The following ATP6V1H variants were observed in gnomAD, a reference collection of about 807,000 sequenced individuals.
ATP6V1H encodes V-type proton ATPase subunit H.
In ATP6V1H, 39 loss-of-function variants were observed where a neutral mutation model predicts 71.7. The observed-to-expected ratio is 0.54, with a 90% CI of 0.42 to 0.71. The LOEUF (loss-of-function observed/expected upper bound fraction) is 0.71, where lower values mean the gene tolerates loss of function less well. Among genes scored for constraint, ATP6V1H ranks in the 30% least tolerant of loss-of-function variants. The probability of loss-of-function intolerance (pLI) is 0.00; values close to 1 mark genes in which losing one functional copy is unlikely to be tolerated. For synonymous variants in ATP6V1H, 192 were observed against 199.3 expected (o/e 0.96, Z 0.31); for missense variants, 509 against 594.9 (o/e 0.86, Z 1.50).
intron 9 of ATP6V1H, among the ~76,000 whole-genome samples, chr8:53,773,450 C>T (rs1808747223): frequency 1.3e-5 from 2 of 152,132 alleles, no homozygotes; most frequent in South Asian, 4.1e-4. Flanking sequence ...TAAATAGAAG[C>T]AGACAGAATC....
intron 8 of ATP6V1H, among the ~76,000 whole-genome samples, chr8:53,796,586 A>G (rs1809748734): frequency 6.6e-6 from 1 of 152,144 alleles, no homozygotes; most frequent in Non-Finnish European, 1.5e-5. Flanking sequence ...CCTACCATTT[A>G]AAAAGAAAAA....
intron 13 of ATP6V1H, among the ~76,000 whole-genome samples, chr8:53,738,969 C>A (rs1807324718): frequency 6.6e-6 from 1 of 151,918 alleles, no homozygotes; most frequent in Non-Finnish European, 1.5e-5. Context: ...TTGTTTTTTT[C>A]AAATACAGAA....
At chr8:53,782,956 G>A (rs1809217924) in intron 9 of ATP6V1H, among the ~76,000 whole-genome samples, 1 of 152,146 alleles carries the variant, frequency 6.6e-6, no homozygotes, top group South Asian at 2.1e-4. Flanking sequence ...GTATTTTATT[G>A]AGGATTTTTG....
chr8:53,818,223 TATC>T (rs1810517007), intron 4 of ATP6V1H, among the ~76,000 whole-genome samples: 1 of 152,214 alleles, frequency 6.6e-6, no homozygotes. Context: ...TACACCACCA[TATC>T]AGCAGTAGCA....
chr8:53,736,583 TA>T (rs1807209752), intron 13 of ATP6V1H, among the ~76,000 whole-genome samples: 1 of 152,236 alleles, frequency 6.6e-6, no homozygotes, highest in Admixed American at 6.5e-5. Context: ...TGGCAGAGCT[TA>T]ACTTGCTTGC....
chr8:53,785,538 C>T (rs963930795), intron 9 of ATP6V1H, among the ~76,000 whole-genome samples: 3 of 152,208 alleles, frequency 2.0e-5, no homozygotes, highest in African/African-American at 4.8e-5. Flanking sequence ...TCTCTCAACT[C>T]GTCAAAGTAA....
intron 4 of ATP6V1H, among the ~76,000 whole-genome samples, chr8:53,823,623 T>C (rs1810731576): frequency 6.6e-6 from 1 of 152,166 alleles, no homozygotes; most frequent in Non-Finnish European, 1.5e-5. Flanking sequence ...ATTATAGGCA[T>C]GCGCCACCAC....
At chr8:53,723,395 T>C (rs567276645) in intron 13 of ATP6V1H, among the ~76,000 whole-genome samples, 1 of 152,284 alleles carries the variant, frequency 6.6e-6, no homozygotes, top group East Asian at 1.9e-4. Context: ...GCCTCCTTAC[T>C]GGTCTTTTCC....
At chr8:53,775,025 T>G (rs1031974262) in intron 9 of ATP6V1H, among the ~76,000 whole-genome samples, 17 of 152,136 alleles carry the variant, frequency 1.1e-4, no homozygotes, top group African/African-American at 4.1e-4. Flanking sequence ...CCGCGGACCC[T>G]CGCGGTGTTA....
At position 53,811,288 on chromosome 8, in the gene ATP6V1H, G is replaced by A. The variant is rs921637834; in HGVS notation, c.526-71C>T. 7 of 1,345,162 alleles carry A rather than the reference G, an allele frequency of 5.2e-6. No homozygotes were observed. The African/African-American group carries it at 8.7e-5, about 17-fold the overall frequency. 83.3% of individuals were successfully genotyped at this position (1,345,162 alleles called of 1,614,324 possible). ...ATCCTAATGTATCAGCTTACAAAAG[G>A]GAGCTAAGCAAACTTTTCCCCTAAT... On this transcript the variant is annotated intron_variant, in intron 6 of 13. Coordinates refer to ENST00000359530, the MANE Select transcript of ATP6V1H (RefSeq NM_015941.4).
chr8:53,718,634 C>G (rs1806510673), intron 13 of ATP6V1H, among the ~76,000 whole-genome samples: 1 of 152,152 alleles, frequency 6.6e-6, no homozygotes, highest in Non-Finnish European at 1.5e-5. Context: ...TAGTGATATG[C>G]CTGCCTCAGC....
At chr8:53,747,777 G>A (rs564543446) in intron 12 of ATP6V1H, among the ~76,000 whole-genome samples, 13 of 151,836 alleles carry the variant, frequency 8.6e-5, no homozygotes, top group African/African-American at 2.7e-4. Context: ...TCGTGACCTC[G>A]TGATTCCCCC....
At chr8:53,735,981 AAAC>A (rs1227938224) in intron 13 of ATP6V1H, among the ~76,000 whole-genome samples, 1 of 152,196 alleles carries the variant, frequency 6.6e-6, no homozygotes, top group Non-Finnish European at 1.5e-5. Flanking sequence ...GCTGCTGAGG[AAAC>A]AACAAGCCCT....
chr8:53,740,306 A>C (rs941518513), intron 13 of ATP6V1H, among the ~76,000 whole-genome samples: 1 of 152,222 alleles, frequency 6.6e-6, no homozygotes, highest in Non-Finnish European at 1.5e-5. Flanking sequence ...ATAAATGTTA[A>C]TTTTATTGTA....
intron 9 of ATP6V1H, among the ~76,000 whole-genome samples, chr8:53,794,019 A>C (rs1809649637): frequency 6.6e-6 from 1 of 152,204 alleles, no homozygotes. Context: ...AGAAATATTC[A>C]TCAAAGTGGG....
chr8:53,754,158 G>A (rs1238170991), intron 12 of ATP6V1H, among the ~76,000 whole-genome samples: 1 of 152,036 alleles, frequency 6.6e-6, no homozygotes, highest in African/African-American at 2.4e-5. Context: ...CTCTGTAAAG[G>A]GCATTTAGTG....
At chr8:53,762,859 C>A (rs550859290) in intron 11 of ATP6V1H, among the ~76,000 whole-genome samples, 21 of 152,274 alleles carry the variant, frequency 1.4e-4, no homozygotes, top group Non-Finnish European at 2.8e-4. Context: ...TTTGCCACCC[C>A]TGAAACAGCA....
chr8:53,730,045 G>A (rs921275798), intron 13 of ATP6V1H, among the ~76,000 whole-genome samples: 2 of 152,204 alleles, frequency 1.3e-5, no homozygotes, highest in Non-Finnish European at 2.9e-5. Flanking sequence ...GAGCAATCAT[G>A]ACAGGGTCTT....
At chr8:53,804,520 C>CAA (rs770624020) in intron 7 of ATP6V1H, among the ~76,000 whole-genome samples, 54 of 152,034 alleles carry the variant, frequency 3.6e-4, no homozygotes, top group Non-Finnish European at 6.2e-4. Flanking sequence ...ACTAAACATA[C>CAA]AAAAAATAGC....
Sources: allele counts gnomAD v4.1 joint callset (sites outside exome capture counted in the v4.1 genomes callset), GRCh38; gene constraint gnomAD v4.1.1; transcripts MANE v1.5; gene names NCBI Gene and HGNC (gene_info 2026-07-23, HGNC 2026-07-21).